Variants in RABGAP1L observed in about 807,000 individuals in gnomAD.
RABGAP1L encodes the protein RAB GTPase activating protein 1 like, also known as rab GTPase-activating protein 1-like.
Under a neutral mutation model 137.7 loss-of-function variants are expected in RABGAP1L, and 63 were observed. That is an observed-to-expected ratio of 0.46 (90% CI 0.37 to 0.56). The LOEUF is 0.56. RABGAP1L is among the 20% of genes least tolerant of loss of function. The probability of loss-of-function intolerance (pLI) is 0.00; values close to 1 mark genes in which losing one functional copy is unlikely to be tolerated. For missense variants in RABGAP1L, 1,095 were observed against 1,244.0 expected, an observed-to-expected ratio of 0.88 and a Z score of 1.80; for synonymous variants, 431 against 433.7, an observed-to-expected ratio of 0.99 and a Z score of 0.08.
At chr1:174,491,584 C>T (rs1436245874) in intron 13 of RABGAP1L, among the ~76,000 whole-genome samples, 1 of 152,114 alleles carries the variant, frequency 6.6e-6, no homozygotes, top group East Asian at 1.9e-4. Context: ...ACCATTGTGT[C>T]TGGTGTCTCA....
chr1:174,387,087 C>A (rs1686857985), intron 12 of RABGAP1L, among the ~76,000 whole-genome samples: 3 of 152,120 alleles, frequency 2.0e-5, no homozygotes, highest in Admixed American at 2.0e-4. Flanking sequence ...ACATAGAAAA[C>A]AACATAGTTT....
chr1:174,822,568 T>A (rs982815886), intron 19 of RABGAP1L, among the ~76,000 whole-genome samples: 5 of 152,182 alleles, frequency 3.3e-5, no homozygotes, highest in Non-Finnish European at 5.9e-5. Flanking sequence ...CAGGGATCAT[T>A]TTCATGGAAG....
intron 20 of RABGAP1L, among the ~76,000 whole-genome samples, chr1:174,965,501 T>G (rs1669537761): frequency 6.6e-6 from 1 of 152,198 alleles, no homozygotes; most frequent in Non-Finnish European, 1.5e-5. Flanking sequence ...TTTTCTAGAA[T>G]TGGTCAGTAT....
intron 13 of RABGAP1L, among the ~76,000 whole-genome samples, chr1:174,551,676 TAATG>T (rs1254452991): frequency 6.6e-6 from 1 of 150,752 alleles, no homozygotes; most frequent in Non-Finnish European, 1.5e-5. Flanking sequence ...AATAAATAAA[TAATG>T]AAGACAAAAA....
chr1:174,671,934 G>C (rs137940306), intron 14 of RABGAP1L, among the ~76,000 whole-genome samples: 6 of 152,144 alleles, frequency 3.9e-5, no homozygotes, highest in Admixed American at 1.3e-4. Flanking sequence ...ATATTTGGTA[G>C]TTTTTTAACT....
chr1:174,395,062 C>G (rs1195631463), intron 13 of RABGAP1L, among the ~76,000 whole-genome samples: 1 of 150,880 alleles, frequency 6.6e-6, no homozygotes. Context: ...ATTTGTATTT[C>G]TTTTAAATAA....
At chr1:174,353,149 G>C (rs992666340) in intron 11 of RABGAP1L, among the ~76,000 whole-genome samples, 1 of 152,204 alleles carries the variant, frequency 6.6e-6, no homozygotes, top group Admixed American at 6.5e-5. Flanking sequence ...ACCAAGAGTG[G>C]ATTCCCTTTT....
At chr1:174,782,859 A>G (rs1485268052) in intron 18 of RABGAP1L, among the ~76,000 whole-genome samples, 5 of 152,188 alleles carry the variant, frequency 3.3e-5, no homozygotes, top group Non-Finnish European at 7.4e-5. Context: ...ACAGGAGGCA[A>G]AGAAGTAGTC....
chr1:174,185,721 C>T (rs1666745029), intron 1 of RABGAP1L, among the ~76,000 whole-genome samples: 1 of 152,218 alleles, frequency 6.6e-6, no homozygotes, highest in Non-Finnish European at 1.5e-5. Context: ...TTCCCTCCTT[C>T]CTGCACCCCC....
At chr1:174,317,368 C>T (rs966622304) in intron 11 of RABGAP1L, among the ~76,000 whole-genome samples, 3 of 152,010 alleles carry the variant, frequency 2.0e-5, no homozygotes, top group Non-Finnish European at 2.9e-5. Context: ...GTGATGAACG[C>T]TGCTGGGATT....
chr1:174,247,415 T>TA (rs1269041979), intron 5 of RABGAP1L, among the ~76,000 whole-genome samples: 1 of 152,208 alleles, frequency 6.6e-6, no homozygotes, highest in East Asian at 1.9e-4. Flanking sequence ...TTGTAGGAGT[T>TA]ATTAAGAAAT....
At chr1:174,769,291 A>G (rs1181795935) in intron 18 of RABGAP1L, among the ~76,000 whole-genome samples, 2 of 152,000 alleles carry the variant, frequency 1.3e-5, no homozygotes, top group Non-Finnish European at 2.9e-5. Flanking sequence ...GAAAACGGTC[A>G]TCTTGTGCGC....
intron 7 of RABGAP1L, among the ~76,000 whole-genome samples, chr1:174,260,482 A>T (rs1673492673): frequency 6.6e-6 from 1 of 152,190 alleles, no homozygotes; most frequent in East Asian, 1.9e-4. Flanking sequence ...CTAAGAGGAG[A>T]AAGCAAGATC....
intron 20 of RABGAP1L, among the ~76,000 whole-genome samples, chr1:174,963,131 A>G (rs1275838136): frequency 2.0e-5 from 3 of 152,190 alleles, no homozygotes; most frequent in African/African-American, 7.2e-5. Context: ...CTGCCATAGC[A>G]AATAAACTTA....
chr1:174,716,430 C>T (rs939653390), intron 17 of RABGAP1L, among the ~76,000 whole-genome samples: 1 of 152,114 alleles, frequency 6.6e-6, no homozygotes, highest in Non-Finnish European at 1.5e-5. Flanking sequence ...TGCAGGTATG[C>T]GCCACTGTAC....
At chr1:174,306,148 G>T (rs11805100) in intron 11 of RABGAP1L, among the ~76,000 whole-genome samples, 44 of 152,194 alleles carry the variant, frequency 2.9e-4, no homozygotes, top group Non-Finnish European at 4.1e-4. Flanking sequence ...CCACATTTTC[G>T]TAATCCAGTC....
At chr1:174,962,194 A>ATCC (rs1669186512) in intron 20 of RABGAP1L, among the ~76,000 whole-genome samples, 1 of 40,452 alleles carries the variant, frequency 2.5e-5, no homozygotes, top group African/African-American at 1.7e-4. Context: ...AAATAAAAAT[A>ATCC]CACCCCCCCC....
intron 19 of RABGAP1L, among the ~76,000 whole-genome samples, chr1:174,870,650 G>A (rs1053217048): frequency 1.3e-5 from 2 of 151,762 alleles, no homozygotes; most frequent in African/African-American, 4.8e-5. Flanking sequence ...ATGGTATCTA[G>A]TTTATTGATT....
chr1:174,741,052 T>A (rs939136487), intron 17 of RABGAP1L, among the ~76,000 whole-genome samples: 3 of 141,086 alleles, frequency 2.1e-5, no homozygotes, highest in African/African-American at 7.6e-5. Flanking sequence ...TTTGTTTTTT[T>A]TTTTTTGTGT....
Sources: allele counts gnomAD v4.1 joint callset (sites outside exome capture counted in the v4.1 genomes callset), GRCh38; gene constraint gnomAD v4.1.1; transcripts MANE v1.5; gene names NCBI Gene and HGNC (gene_info 2026-07-23, HGNC 2026-07-21).